DNAJB6: variants seen among roughly 807,000 people sequenced by gnomAD.
DNAJB6 encodes the protein dnaJ homolog subfamily B member 6.
A neutral mutation model predicts 42.7 loss-of-function variants in DNAJB6; 16 were observed. The observed-to-expected ratio is 0.37, with a 90% CI of 0.25 to 0.57. DNAJB6 has a LOEUF of 0.57. Ranked by LOEUF, DNAJB6 falls within the 20% of genes least tolerant of loss-of-function variation. The pLI is 0.74. For synonymous variants in DNAJB6, 170 were observed against 163.5 expected (o/e 1.04, Z -0.30); for missense variants, 347 against 416.8 (o/e 0.83, Z 1.46).
intron 1 of DNAJB6, among the ~76,000 whole-genome samples, chr7:157,343,863 G>C (rs187592406): frequency 3.0e-4 from 45 of 152,190 alleles, no homozygotes; most frequent in Middle Eastern, 6.8e-3. Context: ...TTTTAATAGA[G>C]ATTTTTCGTT....
At chr7:157,339,103 G>A (rs1798204238) in intron 1 of DNAJB6, among the ~76,000 whole-genome samples, 1 of 152,088 alleles carries the variant, frequency 6.6e-6, no homozygotes, top group Non-Finnish European at 1.5e-5. Context: ...ATATGCATAT[G>A]GTATTACAGT....
intron 8 of DNAJB6, among the ~76,000 whole-genome samples, chr7:157,398,214 C>T (rs189335392): frequency 9.8e-5 from 15 of 152,314 alleles, no homozygotes; most frequent in African/African-American, 3.6e-4. Flanking sequence ...GGAGTGAGGG[C>T]AGGGTCTTGC....
Position 157,409,970 on chromosome 7 carries a change from C to CG in DNAJB6, c.870dup (p.Pro291AlafsTer41). The CG allele has an allele frequency of 6.5e-7, 1 of 1,535,080 alleles. No individual in the cohort carries two copies. The highest frequency in any genetic ancestry group is 8.7e-7 in the Non-Finnish European group (1 of 1,144,078). ...GCGAGCAGGACCGACCTCGGGCACC[C>CG]GGGCCCTGGGACCCCCTCGCGTCCG... On this transcript the variant is annotated frameshift_variant, in exon 9 of 10. Coordinates refer to ENST00000262177, the MANE Select transcript of DNAJB6 (RefSeq NM_058246.4). LOFTEE classifies it high-confidence loss of function.
chr7:157,409,276 G>A (rs1795884609), intron 8 of DNAJB6, among the ~76,000 whole-genome samples: 1 of 152,230 alleles, frequency 6.6e-6, no homozygotes, highest in Non-Finnish European at 1.5e-5. Flanking sequence ...AGCTGCACTG[G>A]AGTGGCCGGG....
At chr7:157,400,498 T>G (rs1801813106) in intron 8 of DNAJB6, among the ~76,000 whole-genome samples, 1 of 152,226 alleles carries the variant, frequency 6.6e-6, no homozygotes, top group Non-Finnish European at 1.5e-5. Context: ...TAGGTGTTAC[T>G]CTAAAGCTGG....
chr7:157,354,434 G>A (rs566817586), intron 1 of DNAJB6, among the ~76,000 whole-genome samples: 5 of 151,920 alleles, frequency 3.3e-5, no homozygotes, highest in Non-Finnish European at 7.4e-5. Context: ...GGTGTGAGCC[G>A]CTGTGCCCAG....
intron 3 of DNAJB6, among the ~76,000 whole-genome samples, chr7:157,363,475 A>G (rs555676798): frequency 1.3e-5 from 2 of 152,306 alleles, no homozygotes; most frequent in Admixed American, 6.5e-5. Context: ...GGGGAGCTCC[A>G]GGGCTTCTAG....
intron 1 of DNAJB6, among the ~76,000 whole-genome samples, chr7:157,345,156 G>A (rs1798619033): frequency 6.6e-6 from 1 of 151,804 alleles, no homozygotes; most frequent in Non-Finnish European, 1.5e-5. Flanking sequence ...ACCACACCTG[G>A]CTAGTTTTTG....
At chr7:157,358,972 C>T (rs1208353132) in intron 2 of DNAJB6, among the ~76,000 whole-genome samples, 1 of 152,188 alleles carries the variant, frequency 6.6e-6, no homozygotes, top group African/African-American at 2.4e-5. Flanking sequence ...GCCCAGAGTA[C>T]ATAGCACTCA....
Position 157,401,801 on chromosome 7 carries a change from C to G in DNAJB6, c.692-7994C>G, listed in dbSNP as rs181548927. On this transcript the variant is annotated intron_variant, in intron 8 of 9. Transcript: ENST00000262177. ...AGGACCGAGGCGGTGTGAGTGTGCC[C>G]TGACCTCTGCAGCAGCGGCCCTCCT... 3.3e-3 allele frequency among the ~76,000 whole-genome samples: 496 copies of G among 152,338 alleles called. 1 individual carries two copies. Among genetic ancestry groups the G allele is most frequent in the African/African-American group, 0.011 (449 of 41,584 alleles).
chr7:157,396,590 C>T (rs536795422), intron 8 of DNAJB6, among the ~76,000 whole-genome samples: 8 of 152,324 alleles, frequency 5.3e-5, no homozygotes, highest in Middle Eastern at 3.4e-3. Flanking sequence ...GGCTGCAGTG[C>T]GCCCTGGGCC....
chr7:157,403,060 A>G (rs1417448848), intron 8 of DNAJB6, among the ~76,000 whole-genome samples: 1 of 152,190 alleles, frequency 6.6e-6, no homozygotes, highest in Non-Finnish European at 1.5e-5. Context: ...TCAGGGAGAC[A>G]TGAGGCGTCC....
intron 8 of DNAJB6, among the ~76,000 whole-genome samples, chr7:157,403,976 A>G (rs1487901605): frequency 1.3e-5 from 2 of 151,156 alleles, no homozygotes; most frequent in African/African-American, 2.4e-5. Flanking sequence ...CCTACTGTGC[A>G]GGGTTTTTTT....
At chr7:157,376,773 TG>T (rs1380907579) in intron 5 of DNAJB6, among the ~76,000 whole-genome samples, 1 of 152,020 alleles carries the variant, frequency 6.6e-6, no homozygotes, top group Non-Finnish European at 1.5e-5. Context: ...CCCAGCTACT[TG>T]GGAGGCTGAG....
intron 5 of DNAJB6, chr7:157,369,050 C>T (rs1466244694): frequency 2.2e-5 from 8 of 360,928 alleles, no homozygotes; most frequent in South Asian, 1.7e-4. Context: ...TGAAGAGAGC[C>T]CCTTTCTGAG....
chr7:157,387,491 T>C (rs920782239), intron 8 of DNAJB6, among the ~76,000 whole-genome samples: 1 of 152,208 alleles, frequency 6.6e-6, no homozygotes, highest in African/African-American at 2.4e-5. Context: ...TTCAAGTAGA[T>C]ACTTGGACTA....
At chr7:157,339,871 C>T (rs7808198) in intron 1 of DNAJB6, 82,147 of 152,088 alleles carry the variant, frequency 0.54, 22,507 homozygotes, top group East Asian at 0.76. Context: ...AGGTGATCCA[C>T]CCGCCTCGGC....
At chr7:157,383,512 G>A (rs1428168286) in intron 6 of DNAJB6, among the ~76,000 whole-genome samples, 1 of 152,034 alleles carries the variant, frequency 6.6e-6, no homozygotes, top group African/African-American at 2.4e-5. Flanking sequence ...CCTCTCATTT[G>A]ATACCATGGA....
intron 1 of DNAJB6, among the ~76,000 whole-genome samples, chr7:157,346,769 A>T (rs974796284): frequency 1.8e-4 from 28 of 152,178 alleles, no homozygotes; most frequent in African/African-American, 6.8e-4. Flanking sequence ...AACAGTGGGG[A>T]TTGTTGCAGC....
Sources: allele counts gnomAD v4.1 joint callset (sites outside exome capture counted in the v4.1 genomes callset), GRCh38; gene constraint gnomAD v4.1.1; transcripts MANE v1.5; gene names NCBI Gene and HGNC (gene_info 2026-07-23, HGNC 2026-07-21).